DNM3: variants seen among roughly 807,000 people sequenced by gnomAD.
The protein encoded by DNM3 is dynamin-3.
DNM3 carries 47 observed loss-of-function variants against 101.6 expected under a neutral mutation model. The observed-to-expected ratio is 0.46, with a 90% confidence interval of 0.37 to 0.59. The LOEUF (loss-of-function observed/expected upper bound fraction) is 0.59. Ranked by LOEUF, DNM3 falls within the 20% of genes least tolerant of loss-of-function variation. The pLI, the probability that DNM3 is intolerant of heterozygous loss-of-function variation, is 0.00. For synonymous variants in DNM3, 385 were observed against 387.9 expected (o/e 0.99, Z 0.09); for missense variants, 849 against 1,085.7 (o/e 0.78, Z 3.06).
intron 15 of DNM3, among the ~76,000 whole-genome samples, chr1:172,279,162 T>C (rs2063395430): frequency 2.0e-5 from 3 of 152,164 alleles, no homozygotes; most frequent in Non-Finnish European, 4.4e-5. Context: ...GATTGAAAAA[T>C]AATTGGAAGC....
chr1:171,905,385 A>C (rs2038735290), intron 1 of DNM3, among the ~76,000 whole-genome samples: 2 of 152,322 alleles, frequency 1.3e-5, no homozygotes, highest in Admixed American at 6.5e-5. Flanking sequence ...AATTTGTGAT[A>C]TAGAGATATT....
chr1:172,386,310 C>T (rs1032574209), intron 18 of DNM3, among the ~76,000 whole-genome samples: 1 of 151,884 alleles, frequency 6.6e-6, no homozygotes, highest in African/African-American at 2.4e-5. Context: ...CTTAAAATCA[C>T]TGGTGTCTTA....
intron 1 of DNM3, among the ~76,000 whole-genome samples, chr1:171,903,460 C>T (rs539810445): frequency 4.6e-5 from 7 of 152,040 alleles, no homozygotes; most frequent in South Asian, 2.1e-4. Flanking sequence ...TCTTTTTCCA[C>T]GTTACAATTT....
chr1:171,852,907 G>T (rs1328669778), intron 1 of DNM3, among the ~76,000 whole-genome samples: 1 of 152,052 alleles, frequency 6.6e-6, no homozygotes, highest in Non-Finnish European at 1.5e-5. Flanking sequence ...TTGTTTGTTT[G>T]TTTTAAACAG....
At chr1:172,364,668 A>G (rs1212963426) in intron 17 of DNM3, among the ~76,000 whole-genome samples, 3 of 151,940 alleles carry the variant, frequency 2.0e-5, no homozygotes, top group African/African-American at 4.8e-5. Context: ...TCTCATGTCA[A>G]TTGTAATCCC....
chr1:172,304,218 A>AAAAAAAAAAAAAAAAAAAAAAAAC (rs1182798546), intron 15 of DNM3, among the ~76,000 whole-genome samples: 1 of 135,040 alleles, frequency 7.4e-6, no homozygotes, highest in African/African-American at 3.4e-5. Flanking sequence ...AAAAAAAAAA[A>AAAAAAAAAAAAAAAAAAAAAAAAC]AAAACAGGAG....
intron 14 of DNM3, among the ~76,000 whole-genome samples, chr1:172,170,066 A>G (rs966300106): frequency 6.6e-6 from 1 of 151,966 alleles, no homozygotes; most frequent in Admixed American, 6.6e-5. Flanking sequence ...TGCACTACAA[A>G]GCACTAGCTT....
chr1:171,842,645 T>TC (rs1366669099), intron 1 of DNM3, among the ~76,000 whole-genome samples: 2 of 152,066 alleles, frequency 1.3e-5, no homozygotes, highest in African/African-American at 4.8e-5. Flanking sequence ...CTGCGCCCCC[T>TC]CCCCCAGCAT....
intron 14 of DNM3, among the ~76,000 whole-genome samples, chr1:172,195,558 T>G (rs1232377883): frequency 6.6e-6 from 1 of 151,822 alleles, no homozygotes; most frequent in Non-Finnish European, 1.5e-5. Flanking sequence ...AGCTCTATAG[T>G]TTTTTTGTAG....
intron 14 of DNM3, chr1:172,132,858 C>A (rs1046718855): frequency 6.3e-6 from 5 of 788,350 alleles, no homozygotes; most frequent in African/African-American, 3.4e-5. Context: ...TTAAAAAAGT[C>A]TTTTCTACAG....
chr1:171,984,725 T>G (rs899063926), intron 2 of DNM3, among the ~76,000 whole-genome samples: 13 of 152,198 alleles, frequency 8.5e-5, no homozygotes, highest in Non-Finnish European at 1.8e-4. Flanking sequence ...TAGAGACTTA[T>G]TTTCCCCCCT....
At chr1:172,350,159 G>T (rs10489285) in intron 17 of DNM3, among the ~76,000 whole-genome samples, 2,750 of 152,096 alleles carry the variant, frequency 0.018, 79 homozygotes, top group African/African-American at 0.063. Context: ...AACTAATCAC[G>T]TTATCATTTT....
chr1:171,858,954 C>T (rs1468659229), intron 1 of DNM3, among the ~76,000 whole-genome samples: 1 of 152,120 alleles, frequency 6.6e-6, no homozygotes, highest in Non-Finnish European at 1.5e-5. Flanking sequence ...ATAATACTTT[C>T]CCCATTTGTA....
chr1:172,165,242 T>C (rs1229693219), intron 14 of DNM3, among the ~76,000 whole-genome samples: 1 of 152,054 alleles, frequency 6.6e-6, no homozygotes, highest in African/African-American at 2.4e-5. Flanking sequence ...AGTCTAAAAT[T>C]ATCTCAAAAA....
intron 2 of DNM3, among the ~76,000 whole-genome samples, chr1:171,922,220 G>A (rs2040235188): frequency 6.6e-6 from 1 of 151,900 alleles, no homozygotes; most frequent in Admixed American, 6.6e-5. Flanking sequence ...TATAATATCT[G>A]TATGGATGTG....
intron 15 of DNM3, among the ~76,000 whole-genome samples, chr1:172,277,120 G>A (rs1440967579): frequency 6.6e-6 from 1 of 151,996 alleles, no homozygotes; most frequent in Non-Finnish European, 1.5e-5. Flanking sequence ...AATGGTCCTT[G>A]TCCTCTGCAT....
In DNM3 at chr1:172,235,738, C is replaced by G. The variant is rs551476493; in HGVS notation, c.1660-17835C>G. ...GAAACCATCATTCTCAGCAAACTATCGCAAGGACAAAAAACCAAACACCGC... is the reference window on the plus strand; with the variant it reads ...GAAACCATCATTCTCAGCAAACTATGGCAAGGACAAAAAACCAAACACCGC... On this transcript the variant is annotated intron_variant, in intron 14 of 20. Coordinates refer to ENST00000627582, the MANE Select transcript of DNM3 (RefSeq NM_015569.5). Among the ~76,000 whole-genome samples the G allele has an allele frequency of 3.4e-4, 52 of 152,072 alleles. 1 individual carries two copies. Among genetic ancestry groups the G allele is most frequent in the African/African-American group, 1.2e-3 (48 of 41,496 alleles).
chr1:172,008,185 T>C (rs547312290), intron 4 of DNM3, among the ~76,000 whole-genome samples: 2 of 152,134 alleles, frequency 1.3e-5, no homozygotes, highest in South Asian at 4.2e-4. Flanking sequence ...TCCTCCGGTA[T>C]GCAGAAGTTT....
intron 16 of DNM3, among the ~76,000 whole-genome samples, chr1:172,317,909 T>G (rs1573445085): frequency 6.6e-6 from 1 of 152,298 alleles, no homozygotes; most frequent in East Asian, 1.9e-4. Flanking sequence ...CATCCTGATA[T>G]CAAAGCCTGG....
Sources: allele counts gnomAD v4.1 joint callset (sites outside exome capture counted in the v4.1 genomes callset), GRCh38; gene constraint gnomAD v4.1.1; transcripts MANE v1.5; gene names NCBI Gene and HGNC (gene_info 2026-07-23, HGNC 2026-07-21).